SCFD2: variants seen among roughly 807,000 people sequenced by gnomAD.
The protein encoded by SCFD2 is sec1 family domain containing 2, also known as sec1 family domain-containing protein 2.
A neutral mutation model predicts 58.9 loss-of-function variants in SCFD2; 54 were observed. That is an observed-to-expected ratio of 0.92 (90% confidence interval 0.74 to 1.15). The LOEUF (loss-of-function observed/expected upper bound fraction) is 1.15, where lower values mean the gene tolerates loss of function less well. Among genes scored for constraint, SCFD2 ranks in the 50% most tolerant of loss-of-function variants. The pLI is 0.00. For synonymous variants in SCFD2, 321 were observed against 335.9 expected (o/e 0.96, Z 0.49); for missense variants, 805 against 836.6 (o/e 0.96, Z 0.47).
intron 5 of SCFD2, among the ~76,000 whole-genome samples, chr4:53,040,586 T>C (rs2148824221): frequency 6.6e-6 from 1 of 152,282 alleles, no homozygotes; most frequent in East Asian, 1.9e-4. Context: ...GATACTTTGC[T>C]TTGCTCTATT....
intron 3 of SCFD2, among the ~76,000 whole-genome samples, chr4:53,294,114 G>C (rs1483377987): frequency 6.6e-6 from 1 of 152,152 alleles, no homozygotes; most frequent in Non-Finnish European, 1.5e-5. Flanking sequence ...ATGTGTGCAT[G>C]TATCTTTACA....
intron 5 of SCFD2, among the ~76,000 whole-genome samples, chr4:53,119,581 G>T (rs1378787137): frequency 6.6e-6 from 1 of 152,144 alleles, no homozygotes; most frequent in African/African-American, 2.4e-5. Flanking sequence ...AACTCCTGTG[G>T]TTTGATGGTT....
intron 5 of SCFD2, among the ~76,000 whole-genome samples, chr4:53,111,220 A>G (rs1725164236): frequency 6.6e-6 from 1 of 152,130 alleles, no homozygotes; most frequent in South Asian, 2.1e-4. Flanking sequence ...TTGCAATAGG[A>G]GAAATACATA....
intron 4 of SCFD2, among the ~76,000 whole-genome samples, chr4:53,237,674 C>G (rs1365165109): frequency 5.3e-5 from 6 of 114,036 alleles, no homozygotes; most frequent in Non-Finnish European, 9.3e-5. Context: ...CCGGACGGGG[C>G]GGCTGGCCGG....
chr4:53,182,964 C>A (rs1214174218), intron 4 of SCFD2, among the ~76,000 whole-genome samples: 8 of 151,988 alleles, frequency 5.3e-5, no homozygotes, highest in Non-Finnish European at 1.0e-4. Flanking sequence ...ACCATCACAC[C>A]CCAGTTAGAA....
chr4:53,223,904 C>T (rs1415266626), intron 4 of SCFD2, among the ~76,000 whole-genome samples: 2 of 152,156 alleles, frequency 1.3e-5, no homozygotes, highest in Admixed American at 1.3e-4. Context: ...ATTATAGATA[C>T]TACGAAACAC....
intron 5 of SCFD2, among the ~76,000 whole-genome samples, chr4:52,938,184 T>G (rs192423313): frequency 6.6e-6 from 1 of 152,340 alleles, no homozygotes; most frequent in Admixed American, 6.5e-5. Flanking sequence ...GTACTTTATA[T>G]GTATTAGTTC....
intron 4 of SCFD2, among the ~76,000 whole-genome samples, chr4:53,195,398 T>C (rs1018687309): frequency 1.1e-4 from 17 of 152,150 alleles, no homozygotes; most frequent in South Asian, 2.1e-4. Context: ...ACTTTCCTTT[T>C]CAGAAACCTG....
At chr4:52,964,979 G>A (rs77280110) in intron 5 of SCFD2, among the ~76,000 whole-genome samples, 2,396 of 150,788 alleles carry the variant, frequency 0.016, 64 homozygotes, top group African/African-American at 0.054. Context: ...AAGGCAAAAT[G>A]TATGGTGGTG....
intron 5 of SCFD2, among the ~76,000 whole-genome samples, chr4:53,102,807 A>G (rs1353007768): frequency 2.0e-5 from 3 of 152,144 alleles, no homozygotes; most frequent in African/African-American, 7.2e-5. Flanking sequence ...GAATTTCACA[A>G]TGTCTAACAA....
intron 4 of SCFD2, among the ~76,000 whole-genome samples, chr4:53,171,975 ATT>A (rs1209218796): frequency 6.8e-6 from 1 of 146,112 alleles, no homozygotes; most frequent in African/African-American, 2.5e-5. Flanking sequence ...TTATTTATTT[ATT>A]TTTATTTTTA....
chr4:52,915,620 A>G (rs567841481), intron 6 of SCFD2, among the ~76,000 whole-genome samples: 1 of 152,314 alleles, frequency 6.6e-6, no homozygotes, highest in South Asian at 2.1e-4. Context: ...CCCAGGCTTC[A>G]ATCCAGAAGC....
rs79349728 is a variant in SCFD2, at chr4:53,268,865, A to G, written c.1311+4961T>C. Among the ~76,000 whole-genome samples, 428 of 152,314 alleles carry G rather than the reference A, an allele frequency of 2.8e-3. 2 individuals carry two copies. Among genetic ancestry groups the G allele is most frequent in the African/African-American group, 9.8e-3 (408 of 41,566 alleles). ...TGAGGTGAGGAGGCATCCACGCCAC[A>G]GGGAAGCAACTCTATTGGAAGATTA... On this transcript the variant is annotated intron_variant, in intron 4 of 8. Transcript: ENST00000401642.
At chr4:53,003,255 TAG>T (rs1721903907) in intron 5 of SCFD2, among the ~76,000 whole-genome samples, 1 of 152,082 alleles carries the variant, frequency 6.6e-6, no homozygotes, top group African/African-American at 2.4e-5. Flanking sequence ...GCCCTGGGAG[TAG>T]AGTGATAAAC....
At chr4:53,192,939 T>A (rs1486017307) in intron 4 of SCFD2, among the ~76,000 whole-genome samples, 1 of 152,122 alleles carries the variant, frequency 6.6e-6, no homozygotes, top group Non-Finnish European at 1.5e-5. Context: ...TATACATGGT[T>A]AATGGCACAA....
rs193257674 is a variant in SCFD2, at chr4:52,925,637, C to T, written c.1562-4767G>A. Among the ~76,000 whole-genome samples the T allele has an allele frequency of 5.3e-3, 806 of 152,204 alleles. 4 individuals are homozygous for T. The highest frequency in any genetic ancestry group is 9.0e-3 in the Non-Finnish European group (615 of 68,006). The stretch of plus-strand genomic sequence containing the variant: ...TCTAATAAGCCCCTGACAGGCTGTT[C>T]CATTAAGCCAGCTTATGAGATAACG... On this transcript the variant is annotated intron_variant, in intron 5 of 8. Transcript: ENST00000401642.
intron 5 of SCFD2, among the ~76,000 whole-genome samples, chr4:53,036,578 C>G (rs1188936131): frequency 6.6e-6 from 1 of 151,654 alleles, no homozygotes; most frequent in Non-Finnish European, 1.5e-5. Context: ...TCATTCTCAG[C>G]AAACTATCAC....
intron 5 of SCFD2, among the ~76,000 whole-genome samples, chr4:53,097,805 G>A (rs1724702540): frequency 6.6e-6 from 1 of 152,114 alleles, no homozygotes; most frequent in South Asian, 2.1e-4. Flanking sequence ...GTTTTCAAAG[G>A]CAATGCTTCC....
At chr4:53,032,656 G>C (rs1214603078) in intron 5 of SCFD2, among the ~76,000 whole-genome samples, 2 of 151,912 alleles carry the variant, frequency 1.3e-5, no homozygotes, top group African/African-American at 4.8e-5. Context: ...AAAAAACAGG[G>C]GTTGCAATCC....
Sources: gnomAD v4.1 joint callset for allele counts (sites outside exome capture counted in the v4.1 genomes callset) on GRCh38, gnomAD v4.1.1 for gene constraint, MANE v1.5 for transcripts, NCBI Gene and HGNC (gene_info 2026-07-23, HGNC 2026-07-21) for gene names.